The following CDH22 variants were observed in gnomAD, a reference collection of about 807,000 sequenced individuals.
CDH22 encodes cadherin 22, also known as cadherin-22.
Under a neutral mutation model 58.4 loss-of-function variants are expected in CDH22, and 30 were observed. The observed-to-expected ratio is 0.51, with a 90% confidence interval of 0.38 to 0.70. The LOEUF (loss-of-function observed/expected upper bound fraction) is 0.70. CDH22 is among the 30% of genes least tolerant of loss of function. The pLI, the probability that CDH22 is intolerant of heterozygous loss-of-function variation, is 0.00. For missense variants in CDH22, 1,014 were observed against 1,233.9 expected, an observed-to-expected ratio of 0.82 and a Z score of 2.67; for synonymous variants, 513 against 558.2, an observed-to-expected ratio of 0.92 and a Z score of 1.14.
chr20:46,178,148 C>T lies in CDH22; in HGVS notation c.1713G>A (p.Glu571=). Residue 571 remains glutamate (E), a synonymous_variant, in exon 11 of 12, where the codon GAG becomes GAA. Transcript: ENST00000537909. ...GGATGGGCAGGAAGAACACGTCCTG[C>T]TCCTGCCGGTTGAAGCCCACGTGCT... is the stretch of plus-strand genomic sequence containing the variant. ...HTQHVGFNRQ[E]QDVFFLPILV... is the part of the protein sequence containing the mutation. 2 of 1,614,000 alleles carry T rather than the reference C, an allele frequency of 1.2e-6. No individual in the cohort carries two copies. The highest frequency in any genetic ancestry group is 1.7e-6 in the Non-Finnish European group (2 of 1,179,982).
At chr20:46,279,549 T>C (rs1043449163) in intron 1 of CDH22, among the ~76,000 whole-genome samples, 5 of 152,328 alleles carry the variant, frequency 3.3e-5, no homozygotes, top group Admixed American at 2.0e-4. Flanking sequence ...TCAGTATGAA[T>C]CCATTTACAT....
In CDH22 at chr20:46,251,555, C is replaced by G; in HGVS notation, c.-261G>C. ...GGGGTGCCCGCCCGCGCCCCCGTCG[C>G]CGCGTCGCGTGCGGATCACCAGGCA... On this transcript the variant is annotated 5_prime_UTR_variant, in exon 2 of 12. Transcript: ENST00000537909. The surrounding 1 kb of genome is among the most constrained non-coding windows in gnomAD (Gnocchi z 6.7). 3.5e-6 allele frequency: 1 copy of G among 283,200 alleles called. No homozygotes were observed. Among genetic ancestry groups the G allele is most frequent in the Non-Finnish European group, 6.5e-6 (1 of 154,410 alleles). The allele number at this position is 283,200 out of a possible 1,614,324, so 17.5% of individuals were successfully genotyped here.
intron 8 of CDH22, among the ~76,000 whole-genome samples, chr20:46,187,949 T>C (rs943655359): frequency 3.3e-5 from 5 of 152,184 alleles, no homozygotes; most frequent in Admixed American, 6.5e-5. Flanking sequence ...TCTCAAGACC[T>C]GATCCTAAAA....
intron 3 of CDH22, among the ~76,000 whole-genome samples, chr20:46,230,422 A>C (rs1005950102): frequency 2.0e-5 from 3 of 152,058 alleles, no homozygotes; most frequent in Non-Finnish European, 4.4e-5. Flanking sequence ...TGGCCCACAA[A>C]ACTCCTGAAA....
intron 7 of CDH22, among the ~76,000 whole-genome samples, chr20:46,208,643 A>G (rs2086017696): frequency 6.6e-6 from 1 of 152,122 alleles, no homozygotes; most frequent in African/African-American, 2.4e-5. Flanking sequence ...TGCCCAGGCT[A>G]GAGTGCAATG....
chr20:46,306,449 T>A (rs1312711835), intron 1 of CDH22, among the ~76,000 whole-genome samples: 2 of 152,222 alleles, frequency 1.3e-5, no homozygotes, highest in South Asian at 4.1e-4. Flanking sequence ...ACCCAAGAGG[T>A]ACAGGTGCCC....
chr20:46,213,493 A>G (rs2086059922), intron 5 of CDH22, among the ~76,000 whole-genome samples: 1 of 152,192 alleles, frequency 6.6e-6, no homozygotes, highest in South Asian at 2.1e-4. Flanking sequence ...AGAGGAGCAC[A>G]GTGATAAAGG....
At chr20:46,191,034 G>C (rs2085859054) in intron 8 of CDH22, among the ~76,000 whole-genome samples, 1 of 152,152 alleles carries the variant, frequency 6.6e-6, no homozygotes, top group African/African-American at 2.4e-5. Context: ...CATCTCCTTT[G>C]TACCAAGGAC....
At position 46,210,318 on chromosome 20, in the gene CDH22, G is replaced by A. The variant is rs766409249; in HGVS notation, c.1275C>T (p.Asn425=). Reference sequence around the variant, plus strand: ...GGCGGGGGTCTCACCGGACGGGCCGGTTGGCGGCGTCGGGGTCCCGCGCCG... The same window carrying A: ...GGCGGGGGTCTCACCGGACGGGCCGATTGGCGGCGTCGGGGTCCCGCGCCG... ...VVTARDPDAA[N]RPVRYAIDRE... The change falls in exon 7 of 12, where the codon AAC becomes AAT. Residue 425 remains asparagine (N), a synonymous_variant. Transcript: ENST00000537909. The surrounding 1 kb of genome is among the most constrained non-coding windows in gnomAD (Gnocchi z 4.5). The A allele has an allele frequency of 6.9e-7, 1 of 1,447,752 alleles. No individual in the cohort carries two copies. Among genetic ancestry groups the A allele is most frequent in the Non-Finnish European group, 9.0e-7 (1 of 1,105,582 alleles). 89.7% of individuals were successfully genotyped at this position (1,447,752 alleles called of 1,614,324 possible). A position where few individuals can be genotyped will look rare whatever the true frequency, so the allele number is the denominator to read the frequency against.
chr20:46,222,359 A>T (rs1392013524), intron 4 of CDH22, among the ~76,000 whole-genome samples: 1 of 152,184 alleles, frequency 6.6e-6, no homozygotes, highest in African/African-American at 2.4e-5. Flanking sequence ...GCCTGGGTGT[A>T]GCTATCCATT....
At chr20:46,212,907 G>A (rs1443226529) in intron 6 of CDH22, 88 bp downstream of exon 6, 45 of 1,038,080 alleles carry the variant, frequency 4.3e-5, no homozygotes, top group Non-Finnish European at 5.9e-5. Flanking sequence ...TGAGTGGAGT[G>A]AGGTGGGGGT....
At chr20:46,197,487 G>A (rs1693839160) in intron 8 of CDH22, among the ~76,000 whole-genome samples, 1 of 152,168 alleles carries the variant, frequency 6.6e-6, no homozygotes, top group African/African-American at 2.4e-5. Flanking sequence ...TGTTGCTGGT[G>A]GTGGGACACT....
At chr20:46,296,022 C>G (rs1450651285) in intron 1 of CDH22, among the ~76,000 whole-genome samples, 1 of 152,180 alleles carries the variant, frequency 6.6e-6, no homozygotes, top group African/African-American at 2.4e-5. Flanking sequence ...CTCGGCCTCT[C>G]AAAGTGCTGG....
intron 1 of CDH22, among the ~76,000 whole-genome samples, chr20:46,282,473 C>T (rs1394739811): frequency 1.3e-5 from 2 of 152,022 alleles, no homozygotes; most frequent in African/African-American, 2.4e-5. Context: ...GGAAAAAATG[C>T]CAGCTACAGC....
chr20:46,210,365 C>G lies in CDH22; in HGVS notation c.1228G>C (p.Gly410Arg). 6.8e-7 allele frequency: 1 copy of G among 1,476,574 alleles called. No homozygotes were observed. Among genetic ancestry groups the G allele is most frequent in the Non-Finnish European group, 9.0e-7 (1 of 1,117,094 alleles). 91.5% of individuals were successfully genotyped at this position (1,476,574 alleles called of 1,614,324 possible). A position where few individuals can be genotyped will look rare whatever the true frequency, so the allele number is the denominator to read the frequency against. ...LLEVQEDAQVGSLVGVVTARD... is the reference protein window; with the variant it reads ...LLEVQEDAQVRSLVGVVTARD... ...GCCGTCACCACGCCGACCAGGGAGC[C>G]CACCTGCGCGTCCTCCTGCACCTCC... The change falls in exon 7 of 12, where the codon GGC (glycine) becomes CGC (arginine). Residue 410 changes from glycine (G) to arginine (R), a missense_variant. Physicochemically the swap from Gly to Arg is moderately radical, Grantham distance 125. Transcript: ENST00000537909. The surrounding 1 kb of genome is among the most constrained non-coding windows in gnomAD (Gnocchi z 4.5).
intron 1 of CDH22, among the ~76,000 whole-genome samples, chr20:46,265,267 G>A (rs914046784): frequency 6.6e-6 from 1 of 152,120 alleles, no homozygotes; most frequent in African/African-American, 2.4e-5. Context: ...AGTCCCAGGA[G>A]GCCCTTCTCC....
intron 4 of CDH22, chr20:46,220,545 G>C (rs1281512787): frequency 6.6e-6 from 1 of 152,434 alleles, no homozygotes; most frequent in Non-Finnish European, 1.5e-5. Flanking sequence ...TGCCATCCAG[G>C]ACCTCAGTGA....
chr20:46,205,549 G>A (rs1428439443), intron 7 of CDH22, among the ~76,000 whole-genome samples: 2 of 152,092 alleles, frequency 1.3e-5, no homozygotes, highest in African/African-American at 4.8e-5. Flanking sequence ...GGAAGTGTTC[G>A]CTTCCTCTGC....
intron 1 of CDH22, among the ~76,000 whole-genome samples, chr20:46,292,831 G>C (rs2086610445): frequency 6.6e-6 from 1 of 152,032 alleles, no homozygotes; most frequent in Non-Finnish European, 1.5e-5. Flanking sequence ...TTTGCTCCAG[G>C]GGGTCTTTCT....
Sources: allele counts gnomAD v4.1 joint callset (sites outside exome capture counted in the v4.1 genomes callset), GRCh38; gene constraint gnomAD v4.1.1; non-coding constraint Gnocchi (gnomAD v3.1); transcripts MANE v1.5; gene names NCBI Gene and HGNC (gene_info 2026-07-23, HGNC 2026-07-21).